Variants in NRXN3 observed in about 807,000 individuals in gnomAD.
NRXN3 encodes the protein neurexin III.
A neutral mutation model predicts 137.6 loss-of-function variants in NRXN3; 32 were observed. That is an observed-to-expected ratio of 0.23 (90% confidence interval 0.18 to 0.31). NRXN3 has a LOEUF of 0.31. Ranked by LOEUF, NRXN3 falls within the 10% of genes least tolerant of loss-of-function variation. The pLI, the probability that NRXN3 is intolerant of heterozygous loss-of-function variation, is 1.00. For synonymous variants in NRXN3, 798 were observed against 784.5 expected (o/e 1.02, Z -0.29); for missense variants, 1,574 against 2,062.5 (o/e 0.76, Z 4.59).
chr14:78,561,672 G>A (rs552800347), intron 4 of NRXN3, among the ~76,000 whole-genome samples: 10 of 152,198 alleles, frequency 6.6e-5, no homozygotes, highest in South Asian at 2.1e-4. Flanking sequence ...ACTCTACCTC[G>A]AACACTCTTC....
intron 4 of NRXN3, among the ~76,000 whole-genome samples, chr14:78,405,494 A>G (rs1388753037): frequency 6.6e-6 from 1 of 151,764 alleles, no homozygotes; most frequent in Non-Finnish European, 1.5e-5. Flanking sequence ...AAAGTACACT[A>G]TTATCACTGA....
At chr14:78,190,465 TTTC>T (rs2060610615) in intron 1 of NRXN3, among the ~76,000 whole-genome samples, 2 of 152,194 alleles carry the variant, frequency 1.3e-5, no homozygotes, top group South Asian at 4.1e-4. Context: ...AAGTCACAGA[TTTC>T]TTCTCGGGAG....
intron 19 of NRXN3, among the ~76,000 whole-genome samples, chr14:79,706,111 C>A (rs2098777644): frequency 2.0e-5 from 3 of 152,268 alleles, no homozygotes; most frequent in Admixed American, 1.3e-4. Flanking sequence ...GTGGGCACCA[C>A]TGGGTTTGCT....
At chr14:78,417,135 T>C (rs1011019922) in intron 4 of NRXN3, among the ~76,000 whole-genome samples, 1 of 152,250 alleles carries the variant, frequency 6.6e-6, no homozygotes, top group Non-Finnish European at 1.5e-5. Context: ...AAAGCCATCA[T>C]GGCTTCCCAA....
At chr14:79,151,750 C>A (rs1297722860) in intron 15 of NRXN3, among the ~76,000 whole-genome samples, 2 of 151,880 alleles carry the variant, frequency 1.3e-5, no homozygotes, top group Non-Finnish European at 2.9e-5. Context: ...CGTGATGTGT[C>A]AGCAGCCTCT....
chr14:79,570,764 C>T (rs996788961), intron 16 of NRXN3, among the ~76,000 whole-genome samples: 1 of 152,138 alleles, frequency 6.6e-6, no homozygotes, highest in Non-Finnish European at 1.5e-5. Context: ...GGCTGGAAGT[C>T]CAGGATCAAG....
chr14:78,458,275 G>A (rs8015993), intron 4 of NRXN3, among the ~76,000 whole-genome samples: 13,923 of 152,150 alleles, frequency 0.092, 798 homozygotes, highest in Admixed American at 0.15. Flanking sequence ...GACTCAAACT[G>A]TGCAGAAATG....
intron 15 of NRXN3, among the ~76,000 whole-genome samples, chr14:79,373,714 A>C (rs963614334): frequency 1.3e-5 from 2 of 152,170 alleles, no homozygotes; most frequent in African/African-American, 4.8e-5. Context: ...GGTTGGTCTT[A>C]AATTATTTTT....
At chr14:79,096,696 C>G (rs966246274) in intron 15 of NRXN3, among the ~76,000 whole-genome samples, 1 of 152,122 alleles carries the variant, frequency 6.6e-6, no homozygotes, top group African/African-American at 2.4e-5. Context: ...AGCTCTGATA[C>G]TTATTCCAGA....
intron 4 of NRXN3, among the ~76,000 whole-genome samples, chr14:78,456,291 C>T (rs368106663): frequency 5.3e-5 from 8 of 152,260 alleles, no homozygotes; most frequent in East Asian, 1.9e-4. Flanking sequence ...GTACAAAAAG[C>T]GGCTCAGGTT....
At chr14:78,734,202 C>A (rs2098530236) in intron 8 of NRXN3, among the ~76,000 whole-genome samples, 1 of 127,106 alleles carries the variant, frequency 7.9e-6, no homozygotes, top group African/African-American at 3.0e-5. Flanking sequence ...GTATCTGCAT[C>A]TGAAACACAC....
At chr14:79,217,956 A>G (rs1458544957) in intron 15 of NRXN3, among the ~76,000 whole-genome samples, 1 of 152,220 alleles carries the variant, frequency 6.6e-6, no homozygotes, top group Admixed American at 6.5e-5. Flanking sequence ...TTGCCTCTTC[A>G]TTCTTCAACA....
chr14:79,498,359 C>G (rs896172465), intron 16 of NRXN3, among the ~76,000 whole-genome samples: 1 of 152,108 alleles, frequency 6.6e-6, no homozygotes, highest in Admixed American at 6.5e-5. Flanking sequence ...TTCTTTCCTG[C>G]TTACTCCAGA....
At chr14:78,608,919 G>A (rs929228133) in intron 4 of NRXN3, among the ~76,000 whole-genome samples, 3 of 152,164 alleles carry the variant, frequency 2.0e-5, no homozygotes, top group Non-Finnish European at 2.9e-5. Context: ...GATTGGTAAG[G>A]TGGGGGTGGA....
chr14:79,404,065 C>T (rs1242477011), intron 15 of NRXN3, among the ~76,000 whole-genome samples: 1 of 152,136 alleles, frequency 6.6e-6, no homozygotes, highest in African/African-American at 2.4e-5. Flanking sequence ...ATGAGGCAGA[C>T]ACCAAAAGCG....
At chr14:78,564,122 AG>A (rs553787451) in intron 4 of NRXN3, among the ~76,000 whole-genome samples, 2 of 152,180 alleles carry the variant, frequency 1.3e-5, no homozygotes, top group African/African-American at 4.8e-5. Context: ...TAAAATACTT[AG>A]GGGGAAAAAA....
At chr14:79,160,901 A>G (rs1055615993) in intron 15 of NRXN3, among the ~76,000 whole-genome samples, 2 of 151,866 alleles carry the variant, frequency 1.3e-5, no homozygotes, top group Admixed American at 6.6e-5. Context: ...ATAATTAATT[A>G]TTTGCTATAT....
chr14:78,310,318 C>T (rs1178559022), intron 4 of NRXN3, among the ~76,000 whole-genome samples: 4 of 118,666 alleles, frequency 3.4e-5, no homozygotes, highest in South Asian at 2.7e-4. Context: ...GAATTGCTTT[C>T]TGGTAGGAAT....
At chr14:79,846,030 T>C (rs1042947079) in intron 20 of NRXN3, among the ~76,000 whole-genome samples, 2 of 152,096 alleles carry the variant, frequency 1.3e-5, no homozygotes, top group Non-Finnish European at 2.9e-5. Context: ...GTGTGGTTCA[T>C]GGCACCCCAA....
Sources: gnomAD v4.1 joint callset for allele counts (sites outside exome capture counted in the v4.1 genomes callset) on GRCh38, gnomAD v4.1.1 for gene constraint, MANE v1.5 for transcripts, NCBI Gene and HGNC (gene_info 2026-07-23, HGNC 2026-07-21) for gene names.